The following FRMD4A variants were observed in gnomAD, a reference collection of about 807,000 sequenced individuals.
FRMD4A encodes the protein FERM domain-containing protein 4A.
FRMD4A carries 29 observed loss-of-function variants against 129.1 expected under a neutral mutation model. The ratio of observed to expected loss-of-function variants is 0.22; its 90% confidence interval spans 0.17 to 0.31. The LOEUF is 0.31. FRMD4A is among the 10% of genes least tolerant of loss of function. FRMD4A has a pLI of 1.00. For synonymous variants in FRMD4A, 634 were observed against 571.6 expected, an observed-to-expected ratio of 1.11 and a Z score of -1.56; for missense variants, 1,272 against 1,375.8, an observed-to-expected ratio of 0.92 and a Z score of 1.19.
intron 2 of FRMD4A, among the ~76,000 whole-genome samples, chr10:13,876,115 A>T (rs2131102551): frequency 6.6e-6 from 1 of 152,376 alleles, no homozygotes; most frequent in African/African-American, 2.4e-5. Context: ...GACTTTAGCA[A>T]GGGAAGTTGT....
chr10:13,920,028 A>G lies in FRMD4A; in HGVS notation c.46-61116T>C, dbSNP rs551062928. On this transcript the variant is annotated intron_variant, in intron 2 of 24. Coordinates refer to ENST00000357447, the MANE Select transcript of FRMD4A (RefSeq NM_018027.5). ...TTACATAACACAATAGGGACCATCA[A>G]AGAAGCCAATTAGAACTTCAGAAAC... 5.8e-4 allele frequency among the ~76,000 whole-genome samples: 88 copies of G among 152,328 alleles called. 1 individual carries two copies. The highest frequency in any genetic ancestry group is 2.0e-3 in the African/African-American group (84 of 41,578).
At position 14,073,705 on chromosome 10, in the gene FRMD4A, T is replaced by C. The variant is rs76867942; in HGVS notation, c.46-214793A>G. 9.6e-3 allele frequency among the ~76,000 whole-genome samples: 1,462 copies of C among 152,206 alleles called. 76 individuals are homozygous for C. In the East Asian group the frequency reaches 0.16, roughly 17 times the overall value. On this transcript the variant is annotated intron_variant, in intron 2 of 24. Transcript: ENST00000357447. ...TGAATGTGTCGTGTTCATGGGTTTT[T>C]CACCACCACCGGGATCCTGTTGTGA...
At chr10:14,324,497 G>T (rs1843186036) in intron 2 of FRMD4A, among the ~76,000 whole-genome samples, 2 of 152,134 alleles carry the variant, frequency 1.3e-5, no homozygotes, top group African/African-American at 4.8e-5. Flanking sequence ...TGGGCCCCAT[G>T]CCTGGATGGC....
At chr10:13,757,296 T>C (rs996968517) in intron 8 of FRMD4A, among the ~76,000 whole-genome samples, 11 of 152,164 alleles carry the variant, frequency 7.2e-5, no homozygotes, top group Admixed American at 7.2e-4. Flanking sequence ...TGTATATACA[T>C]CAGGAAATGA....
intron 2 of FRMD4A, among the ~76,000 whole-genome samples, chr10:13,921,236 T>TTCTCTCTTTCTCTCTCTCTCTC (rs1554970434): frequency 6.3e-4 from 6 of 9,598 alleles, no homozygotes; most frequent in African/African-American, 1.4e-3. Flanking sequence ...TTCTCTCTCT[T>TTCTCTCTTTCTCTCTCTCTCTC]TCTTTCTCTC....
intron 2 of FRMD4A, among the ~76,000 whole-genome samples, chr10:13,863,619 G>A (rs762170952): frequency 6.6e-6 from 1 of 151,764 alleles, no homozygotes; most frequent in Non-Finnish European, 1.5e-5. Flanking sequence ...CAAATGATAC[G>A]TATCCTAATT....
chr10:14,040,957 A>G (rs1475126549), intron 2 of FRMD4A, among the ~76,000 whole-genome samples: 31 of 152,218 alleles, frequency 2.0e-4, no homozygotes, highest in Non-Finnish European at 1.6e-4. Context: ...CTATTTCTCC[A>G]GGCTGCAAAG....
chr10:14,261,880 A>C (rs1212339779), intron 2 of FRMD4A, among the ~76,000 whole-genome samples: 1 of 151,212 alleles, frequency 6.6e-6, no homozygotes, highest in Non-Finnish European at 1.5e-5. Context: ...AAAACGTAAT[A>C]ACTTAGGTGC....
At chr10:14,036,807 A>G (rs1195027620) in intron 2 of FRMD4A, among the ~76,000 whole-genome samples, 1 of 152,052 alleles carries the variant, frequency 6.6e-6, no homozygotes, top group African/African-American at 2.4e-5. Context: ...ACTGGTCTCG[A>G]ACTCCTGACC....
intron 2 of FRMD4A, among the ~76,000 whole-genome samples, chr10:14,035,633 T>C (rs2131667219): frequency 6.6e-6 from 1 of 152,282 alleles, no homozygotes; most frequent in African/African-American, 2.4e-5. Flanking sequence ...ACGAGGATTT[T>C]ATTATAACGG....
intron 2 of FRMD4A, among the ~76,000 whole-genome samples, chr10:14,281,601 T>G (rs994161985): frequency 3.3e-5 from 5 of 152,220 alleles, no homozygotes; most frequent in African/African-American, 1.2e-4. Flanking sequence ...AATTGACCAT[T>G]GTAACCATTT....
chr10:13,943,350 G>A lies in FRMD4A; in HGVS notation c.46-84438C>T, dbSNP rs953181729. 3.3e-5 allele frequency among the ~76,000 whole-genome samples: 5 copies of A among 152,060 alleles called. No homozygotes were observed. In the East Asian group the frequency reaches 9.7e-4, roughly 29 times the overall value. On this transcript the variant is annotated intron_variant, in intron 2 of 24. Coordinates refer to ENST00000357447, the MANE Select transcript of FRMD4A (RefSeq NM_018027.5). ...ATTGAGCAAAAATAGATAATTTGTT[G>A]AAAAGGAGACCCACATCGGCCAGGT...
intron 2 of FRMD4A, among the ~76,000 whole-genome samples, chr10:14,216,636 T>A (rs1460333587): frequency 6.6e-6 from 1 of 152,178 alleles, no homozygotes; most frequent in African/African-American, 2.4e-5. Context: ...GCCAGTCTTG[T>A]CGCAGCCACC....
At chr10:13,711,659 A>G (rs1016325193) in intron 12 of FRMD4A, among the ~76,000 whole-genome samples, 6 of 152,272 alleles carry the variant, frequency 3.9e-5, no homozygotes, top group African/African-American at 1.4e-4. Context: ...CAAAGAATGT[A>G]TTAATTCATA....
chr10:13,802,508 G>A (rs1022138805), intron 4 of FRMD4A, among the ~76,000 whole-genome samples: 17 of 152,154 alleles, frequency 1.1e-4, no homozygotes, highest in African/African-American at 3.6e-4. Context: ...CTGGAGTGCA[G>A]TGGTGCAATC....
At chr10:13,691,037 G>C (rs1001951947) in intron 15 of FRMD4A, among the ~76,000 whole-genome samples, 1 of 152,150 alleles carries the variant, frequency 6.6e-6, no homozygotes, top group South Asian at 2.1e-4. Context: ...GCTCAGGCTG[G>C]AGTACAGTAG....
chr10:14,330,799 C>T lies in FRMD4A; in HGVS notation c.-284G>A. 7.5e-6 allele frequency: 3 copies of T among 398,862 alleles called. No individual in the cohort carries two copies. Among genetic ancestry groups the T allele is most frequent in the Non-Finnish European group, 1.3e-5 (3 of 226,276 alleles). The allele number at this position is 398,862 out of a possible 1,614,324, so 24.7% of individuals were successfully genotyped here. A position where few individuals can be genotyped will look rare whatever the true frequency, so the allele number is the denominator to read the frequency against. On this transcript the variant is annotated 5_prime_UTR_variant, in exon 1 of 25. Coordinates refer to ENST00000357447, the MANE Select transcript of FRMD4A (RefSeq NM_018027.5). Reference sequence around the variant, plus strand: ...CCTTCCCCAGATCTACTTTTCCTCTCCAAGTAGACTGGCCAGCTCAGCTCC... The same window carrying T: ...CCTTCCCCAGATCTACTTTTCCTCTTCAAGTAGACTGGCCAGCTCAGCTCC...
intron 2 of FRMD4A, among the ~76,000 whole-genome samples, chr10:13,892,095 G>A (rs1182665820): frequency 7.4e-6 from 1 of 134,460 alleles, no homozygotes; most frequent in Non-Finnish European, 1.6e-5. Context: ...GCCCCTCTCC[G>A]TGGCACCCGC....
chr10:14,191,590 G>A (rs1438437886), intron 2 of FRMD4A, among the ~76,000 whole-genome samples: 6 of 152,198 alleles, frequency 3.9e-5, no homozygotes, highest in African/African-American at 1.4e-4. Flanking sequence ...AGTATCGGCT[G>A]TTGCTATGGA....
Sources: allele counts gnomAD v4.1 joint callset (sites outside exome capture counted in the v4.1 genomes callset), GRCh38; gene constraint gnomAD v4.1.1; transcripts MANE v1.5; gene names NCBI Gene and HGNC (gene_info 2026-07-23, HGNC 2026-07-21).